The following SLFN12L variants were observed in gnomAD, a reference collection of about 807,000 sequenced individuals.
The protein encoded by SLFN12L is schlafen family member 12-like.
A neutral mutation model predicts 34.8 loss-of-function variants in SLFN12L; 34 were observed. The ratio of observed to expected loss-of-function variants is 0.98; its 90% CI spans 0.74 to 1.30. The LOEUF is 1.30. Ranked by LOEUF, SLFN12L falls within the 50% of genes most tolerant of loss-of-function variation. SLFN12L has a pLI of 0.00. For missense variants in SLFN12L, 703 were observed against 696.2 expected (o/e 1.01, Z -0.11); for synonymous variants, 259 against 247.5 (o/e 1.05, Z -0.44).
intron 2 of SLFN12L, chr17:35,490,037 A>T (rs1182382502): frequency 1.2e-6 from 2 of 1,602,216 alleles, no homozygotes; most frequent in East Asian, 4.5e-5. Context: ...CACTTCCACC[A>T]CCTCCTGTTC....
At chr17:35,498,165 G>C (rs2142147518) in intron 2 of SLFN12L, 2 of 655,914 alleles carry the variant, frequency 3.0e-6, no homozygotes, top group East Asian at 5.4e-5. Flanking sequence ...GAAGCATCTC[G>C]ATCCGGGAGG....
chr17:35,515,419 A>G (rs192080940), intron 2 of SLFN12L, among the ~76,000 whole-genome samples: 121 of 152,224 alleles, frequency 7.9e-4, no homozygotes, highest in African/African-American at 2.7e-3. Flanking sequence ...TATTTTCTCT[A>G]TGCCTGGAGA....
At chr17:35,513,340 G>A (rs942884622) in intron 2 of SLFN12L, among the ~76,000 whole-genome samples, 1 of 151,936 alleles carries the variant, frequency 6.6e-6, no homozygotes, top group Non-Finnish European at 1.5e-5. Context: ...GGGAGACACT[G>A]GAACTGTATT....
Position 35,490,820 on chromosome 17 carries a change from G to T in SLFN12L, c.87-10625C>A, listed in dbSNP as rs1187531583. On this transcript the variant is annotated intron_variant, in intron 2 of 4. Transcript: ENST00000628453. ...CTTGAGTGCCTGACTCAATAAGAGA[G>T]CCTACAAATACATTTGGCAGGTACC... 7.8e-6 allele frequency: 10 copies of T among 1,288,210 alleles called. No individual in the cohort carries two copies. The East Asian group carries it at 1.9e-4, about 24-fold the overall frequency. 79.8% of individuals were successfully genotyped at this position (1,288,210 alleles called of 1,614,324 possible).
intron 2 of SLFN12L, among the ~76,000 whole-genome samples, chr17:35,513,245 C>T (rs1016018888): frequency 1.3e-5 from 2 of 152,128 alleles, no homozygotes; most frequent in African/African-American, 2.4e-5. Flanking sequence ...ATGTGTGAGT[C>T]ACCTAGTCAA....
intron 2 of SLFN12L, among the ~76,000 whole-genome samples, chr17:35,485,997 G>A (rs867828159): frequency 6.6e-6 from 1 of 152,068 alleles, no homozygotes; most frequent in African/African-American, 2.4e-5. Context: ...CTCTTTTTTG[G>A]TTGCATACAA....
rs1017777803 is a variant in SLFN12L, at chr17:35,468,776, T to C, written c.*6147A>G. 4.6e-5 allele frequency among the ~76,000 whole-genome samples: 7 copies of C among 152,208 alleles called. No homozygotes were observed. The South Asian group carries it at 6.2e-4, about 14-fold the overall frequency. ...GACTCATGCCTATAATTCCAGCACT[T>C]TGGGAGGCTGAGGCAGGACTGCTTA... On this transcript the variant is annotated 3_prime_UTR_variant, in exon 5 of 5. Coordinates refer to ENST00000628453, the MANE Select transcript of SLFN12L (RefSeq NM_001363830.2).
At chr17:35,498,973 G>A (rs1040946409) in intron 2 of SLFN12L, 2 of 706,028 alleles carry the variant, frequency 2.8e-6, no homozygotes, top group Non-Finnish European at 5.2e-6. Context: ...AAGGATGGGT[G>A]TCCCTCCCTC....
chr17:35,505,475 G>A (rs1036996154), intron 2 of SLFN12L, among the ~76,000 whole-genome samples: 1 of 152,178 alleles, frequency 6.6e-6, no homozygotes, highest in African/African-American at 2.4e-5. Flanking sequence ...GGCCCCCCAC[G>A]CTATGGTGAC....
intron 2 of SLFN12L, chr17:35,515,126 T>G: frequency 1.6e-6 from 1 of 628,666 alleles, no homozygotes; most frequent in South Asian, 1.4e-5. Context: ...TCGAAGTAGA[T>G]GCAGTACCCG....
chr17:35,518,252 T>G (rs1371820359), intron 2 of SLFN12L, among the ~76,000 whole-genome samples: 1 of 152,148 alleles, frequency 6.6e-6, no homozygotes, highest in African/African-American at 2.4e-5. Flanking sequence ...CAGACACTTC[T>G]CAAAAGAAGA....
chr17:35,512,609 GC>G (rs1226163778), intron 2 of SLFN12L, among the ~76,000 whole-genome samples: 4 of 152,150 alleles, frequency 2.6e-5, no homozygotes, highest in Admixed American at 2.0e-4. Context: ...CTTGTGATCC[GC>G]CTGCCTCGGC....
intron 2 of SLFN12L, among the ~76,000 whole-genome samples, chr17:35,494,042 T>C (rs1914945402): frequency 6.6e-6 from 1 of 152,124 alleles, no homozygotes; most frequent in African/African-American, 2.4e-5. Context: ...AAGGAGGGAT[T>C]TGAAGGAAGA....
intron 2 of SLFN12L, among the ~76,000 whole-genome samples, chr17:35,518,413 T>C (rs1222148285): frequency 6.6e-6 from 1 of 152,054 alleles, no homozygotes; most frequent in Non-Finnish European, 1.5e-5. Context: ...TAGCTGGGCA[T>C]TGTGGCAGGT....
At chr17:35,535,960 C>A in intron 1 of SLFN12L, among the ~76,000 whole-genome samples, 1 of 109,892 alleles carries the variant, frequency 9.1e-6, no homozygotes, top group African/African-American at 3.1e-5. Context: ...CCGGCCCTGG[C>A]TAGTTTGTTT....
At chr17:35,498,177 G>C in intron 2 of SLFN12L, 2 of 673,152 alleles carry the variant, frequency 3.0e-6, no homozygotes, top group East Asian at 2.7e-5. Context: ...TCCGGGAGGC[G>C]GCGGCGTGGG....
intron 2 of SLFN12L, among the ~76,000 whole-genome samples, chr17:35,483,692 A>G (rs75575698): frequency 0.036 from 5,521 of 152,278 alleles, 131 homozygotes; most frequent in Non-Finnish European, 0.056. Context: ...ATCTATTGGG[A>G]TCACTGTTTT....
chr17:35,528,540 A>G (rs1432103256), intron 1 of SLFN12L, among the ~76,000 whole-genome samples: 2 of 152,262 alleles, frequency 1.3e-5, no homozygotes, highest in South Asian at 4.1e-4. Flanking sequence ...AAATAACACC[A>G]CACATCCACA....
Position 35,466,426 on chromosome 17 carries a change from C to T in SLFN12L, c.*8497G>A, listed in dbSNP as rs777524102. Among the ~76,000 whole-genome samples the T allele has an allele frequency of 4.6e-5, 7 of 152,086 alleles. No homozygotes were observed. The highest frequency in any genetic ancestry group is 7.2e-5 in the African/African-American group (3 of 41,424). On this transcript the variant is annotated 3_prime_UTR_variant, in exon 5 of 5. Transcript: ENST00000628453. The stretch of plus-strand genomic sequence containing the variant: ...ACAGTATATAGCCTTTTCAGATGGC[C>T]TTCTTTTTAAAGAGACAGGGACAGA...
Sources: allele counts gnomAD v4.1 joint callset (sites outside exome capture counted in the v4.1 genomes callset), GRCh38; gene constraint gnomAD v4.1.1; transcripts MANE v1.5; gene names NCBI Gene and HGNC (gene_info 2026-07-23, HGNC 2026-07-21).